Variants in DHRS7 observed in about 807,000 individuals in gnomAD.
The protein encoded by DHRS7 is dehydrogenase/reductase 7, also known as dehydrogenase/reductase SDR family member 7.
In DHRS7, 34 loss-of-function variants were observed where a neutral mutation model predicts 38.9. The observed-to-expected ratio is 0.87, with a 90% CI of 0.66 to 1.16. DHRS7 has a LOEUF of 1.16. Ranked by LOEUF, DHRS7 falls within the 50% of genes most tolerant of loss-of-function variation. The pLI is 0.00. For synonymous variants in DHRS7, 158 were observed against 153.1 expected, an observed-to-expected ratio of 1.03 and a Z score of -0.24; for missense variants, 421 against 407.0, an observed-to-expected ratio of 1.03 and a Z score of -0.30.
rs544347849 is a variant in DHRS7, at chr14:60,161,628, A to G, written c.133+3549T>C. Among the ~76,000 whole-genome samples, 86 of 152,224 alleles carry G rather than the reference A, an allele frequency of 5.6e-4. 3 individuals are homozygous for G. In the Middle Eastern group the frequency reaches 0.02, roughly 36 times the overall value. On this transcript the variant is annotated intron_variant, in intron 1 of 6. Transcript: ENST00000557185. The surrounding 1 kb of genome is among the most constrained non-coding windows in gnomAD (Gnocchi z 4.2). The stretch of plus-strand genomic sequence containing the variant: ...CTTCTGCTCACACCCACCTGCACCA[A>G]TTCTAGTTGGTTAATGTTCCTCTTT...
intron 4 of DHRS7, 146 bp downstream of exon 4, chr14:60,152,793 T>TG (rs1896572087): frequency 1.3e-6 from 1 of 768,316 alleles, no homozygotes; most frequent in Admixed American, 2.7e-5. Context: ...TAGCATCTAC[T>TG]GGGGGTGTCC....
chr14:60,144,911 G>T lies in DHRS7; in HGVS notation c.*55C>A. On this transcript the variant is annotated 3_prime_UTR_variant, in exon 7 of 7. Transcript: ENST00000557185. ...TATTCAGAAGCATAAGAAGATTGCT[G>T]TTTTCATGTTTTCCATTTCTCCCTC... 1.4e-6 allele frequency: 2 copies of T among 1,422,342 alleles called. No individual in the cohort carries two copies. The highest frequency in any genetic ancestry group is 1.4e-5 in the African/African-American group (1 of 69,528). 88.1% of individuals were successfully genotyped at this position (1,422,342 alleles called of 1,614,324 possible). A position where few individuals can be genotyped will look rare whatever the true frequency, so the allele number is the denominator to read the frequency against.
chr14:60,157,673 G>A (rs1037266481), intron 1 of DHRS7, among the ~76,000 whole-genome samples: 1 of 152,140 alleles, frequency 6.6e-6, no homozygotes, highest in African/African-American at 2.4e-5. Flanking sequence ...TTAAGGGTAG[G>A]ACCCTGTCTA....
At chr14:60,157,928 T>A (rs551114779) in intron 1 of DHRS7, among the ~76,000 whole-genome samples, 4 of 152,046 alleles carry the variant, frequency 2.6e-5, no homozygotes, top group Non-Finnish European at 5.9e-5. Flanking sequence ...AAGAAAAAGG[T>A]TCCATGTAAA....
At chr14:60,168,818 C>T, upstream of DHRS7, 4 of 1,494,940 alleles carry the variant, frequency 2.7e-6, no homozygotes, top group African/African-American at 1.4e-5. Flanking sequence ...TGCTGACACT[C>T]CTCATAATTT....
chr14:60,168,519 G>A (rs1012695084), upstream of DHRS7, among the ~76,000 whole-genome samples: 1 of 152,110 alleles, frequency 6.6e-6, no homozygotes, highest in Non-Finnish European at 1.5e-5. Context: ...GGAGAACGGG[G>A]TACAGAGTAC....
chr14:60,151,991 G>A (rs962480720), intron 4 of DHRS7, among the ~76,000 whole-genome samples: 4 of 152,200 alleles, frequency 2.6e-5, no homozygotes, highest in Non-Finnish European at 5.9e-5. Flanking sequence ...ACTGATGCCT[G>A]TTACTAAATA....
At chr14:60,155,325 T>A (rs976596199) in intron 2 of DHRS7, among the ~76,000 whole-genome samples, 6 of 152,152 alleles carry the variant, frequency 3.9e-5, no homozygotes, top group Non-Finnish European at 7.4e-5. Flanking sequence ...GGTGCACGTC[T>A]GTGGCCCCAG....
chr14:60,164,205 C>T (rs1896820694), intron 1 of DHRS7, among the ~76,000 whole-genome samples: 1 of 136,814 alleles, frequency 7.3e-6, no homozygotes, highest in Admixed American at 7.5e-5. Flanking sequence ...TTTTTGTCCA[C>T]AGGAACCAAT....
At chr14:60,168,494 A>G (rs1294590780), upstream of DHRS7, among the ~76,000 whole-genome samples, 3 of 152,202 alleles carry the variant, frequency 2.0e-5, no homozygotes, top group Non-Finnish European at 4.4e-5. Flanking sequence ...AAAATTATGT[A>G]AAATTTACTA....
upstream of DHRS7, chr14:60,168,637 T>C (rs931660616): frequency 1.3e-6 from 2 of 1,502,516 alleles, no homozygotes; most frequent in Non-Finnish European, 1.8e-6. Context: ...TTTCTTAAAA[T>C]TCTAAAACTG....
At chr14:60,154,201 G>A (rs976025400) in intron 2 of DHRS7, 136 bp from the exon 3 acceptor site, 11 of 653,064 alleles carry the variant, frequency 1.7e-5, no homozygotes, top group African/African-American at 3.7e-5. Flanking sequence ...AGTTCCTCTC[G>A]GTGGTCAGGA....
chr14:60,152,584 AT>A (rs1482210923), intron 4 of DHRS7: 1 of 218,498 alleles, frequency 4.6e-6, no homozygotes, highest in Non-Finnish European at 9.3e-6. Context: ...TGGACCCCCA[AT>A]TTTCCATGAA....
Position 60,165,037 on chromosome 14 carries a change from AAGG to A in DHRS7, c.133+137_133+139del. 1 of 1,083,868 alleles carries A rather than the reference AAGG, an allele frequency of 9.2e-7. No individual in the cohort carries two copies. The highest frequency in any genetic ancestry group is 2.6e-5 in the East Asian group (1 of 38,290). The allele number at this position is 1,083,868 out of a possible 1,614,324, so 67.1% of individuals were successfully genotyped here. On this transcript the variant is annotated intron_variant, in intron 1 of 6. Coordinates refer to ENST00000557185, the MANE Select transcript of DHRS7 (RefSeq NM_016029.4). This position sits in a 1 kb window ranked among gnomAD's most constrained non-coding sequence, Gnocchi z 4.6. ...CCTCCCCAACCCGCAGCCCCTGCGT[AAGG>A]GGCAGCCGGGCCTTCGGGAAGCTCC... is the stretch of plus-strand genomic sequence containing the variant.
chr14:60,156,257 T>G, intron 1 of DHRS7, 105 bp from the exon 2 acceptor site: 1 of 984,030 alleles, frequency 1.0e-6, no homozygotes, highest in South Asian at 2.9e-5. Context: ...CCACTAAATA[T>G]GAAGGCATGA....
intron 4 of DHRS7, among the ~76,000 whole-genome samples, chr14:60,152,278 A>G (rs1896561160): frequency 6.6e-6 from 1 of 152,192 alleles, no homozygotes; most frequent in Non-Finnish European, 1.5e-5. Flanking sequence ...TTAAAAATTC[A>G]TCCATTTCTA....
rs1331319757 is a variant in DHRS7 at position 60,164,579 on chromosome 14, A to G, written c.133+598T>C. 2.0e-5 allele frequency among the ~76,000 whole-genome samples: 3 copies of G among 152,240 alleles called. No homozygotes were observed. The East Asian group carries it at 5.8e-4, about 29-fold the overall frequency. ...TATTAAGCAAGACACAGATAAAGTG[A>G]GATAGGCAGTATGCCAATAATGATC... On this transcript the variant is annotated intron_variant, in intron 1 of 6. Coordinates refer to ENST00000557185, the MANE Select transcript of DHRS7 (RefSeq NM_016029.4).
Position 60,145,047 on chromosome 14 carries a change from C to A in DHRS7, c.973-34G>T. ...GAGGGACAGAAACATGGATCAGTAC[C>A]TACTCCTATTTACTCCAGTTTTTAA... On this transcript the variant is annotated intron_variant, in intron 6 of 6. Coordinates refer to ENST00000557185, the MANE Select transcript of DHRS7 (RefSeq NM_016029.4). This position sits in a 1 kb window ranked among gnomAD's most constrained non-coding sequence, Gnocchi z 4.0. 6.9e-7 allele frequency: 1 copy of A among 1,456,538 alleles called. No homozygotes were observed. The highest frequency in any genetic ancestry group is 9.2e-7 in the Non-Finnish European group (1 of 1,090,998). 90.2% of individuals were successfully genotyped at this position (1,456,538 alleles called of 1,614,324 possible).
chr14:60,154,008 G>A lies in DHRS7; in HGVS notation c.344C>T (p.Thr115Ile). ...TTTGGTAGCCGCTTCATGGGAACCA[G>A]TGTCGGTCAGGTCAAGGGGCAAAAC... is the stretch of plus-strand genomic sequence containing the variant. ...ILVLPLDLTDTGSHEAATKAV... is the reference protein window; with the variant it reads ...ILVLPLDLTDIGSHEAATKAV... Residue 115 changes from threonine (T) to isoleucine (I), a missense_variant, in exon 3 of 7, where the codon ACT becomes ATT. Transcript: ENST00000557185. The A allele has an allele frequency of 6.2e-7, 1 of 1,614,116 alleles. No homozygotes were observed. Among genetic ancestry groups the A allele is most frequent in the Non-Finnish European group, 8.5e-7 (1 of 1,179,974 alleles).
Sources: gnomAD v4.1 joint callset for allele counts (sites outside exome capture counted in the v4.1 genomes callset) on GRCh38, gnomAD v4.1.1 for gene constraint, Gnocchi (gnomAD v3.1) non-coding constraint, MANE v1.5 for transcripts, NCBI Gene and HGNC (gene_info 2026-07-23, HGNC 2026-07-21) for gene names.